Variants in PHACTR2 observed in about 807,000 individuals in gnomAD.
PHACTR2 encodes phosphatase and actin regulator 2.
PHACTR2 carries 30 observed loss-of-function variants against 76.0 expected under a neutral mutation model. The ratio of observed to expected loss-of-function variants is 0.39; its 90% CI spans 0.30 to 0.54. The LOEUF is 0.54. Ranked by LOEUF, PHACTR2 falls within the 20% of genes least tolerant of loss-of-function variation. The pLI, the probability that PHACTR2 is intolerant of heterozygous loss-of-function variation, is 0.61. For synonymous variants in PHACTR2, 292 were observed against 292.5 expected, an observed-to-expected ratio of 1.00 and a Z score of 0.02; for missense variants, 696 against 781.1, an observed-to-expected ratio of 0.89 and a Z score of 1.30.
At position 143,672,400 on chromosome 6, in the gene PHACTR2, A is replaced by T. The variant is rs1777169067; in HGVS notation, c.14-39616A>T. 6.6e-6 allele frequency among the ~76,000 whole-genome samples: 1 copy of T among 152,070 alleles called. No homozygotes were observed. Among genetic ancestry groups the T allele is most frequent in the African/African-American group, 2.4e-5 (1 of 41,418 alleles). The stretch of plus-strand genomic sequence containing the variant: ...TGCTTGAGCCCAGGAGTTCAAGGCT[A>T]CAGTAAGCAATGATTATACCACTGC... On this transcript the variant is annotated intron_variant, in intron 1 of 11. Transcript: ENST00000305766. The surrounding 1 kb of genome is among the most constrained non-coding windows in gnomAD (Gnocchi z 5.8).
chr6:143,770,284 G>A (rs894859708), intron 6 of PHACTR2, among the ~76,000 whole-genome samples: 1 of 152,198 alleles, frequency 6.6e-6, no homozygotes, highest in East Asian at 1.9e-4. Context: ...TTCTCTTAGA[G>A]AAGGTGCTTA....
At position 143,579,648 on chromosome 6, in the gene PHACTR2, G is replaced by A. The variant is rs572064248; in HGVS notation, c.217+42441G>A. Among the ~76,000 whole-genome samples, 8 of 152,190 alleles carry A rather than the reference G, an allele frequency of 5.3e-5. No homozygotes were observed. The South Asian group carries it at 8.3e-4, about 16-fold the overall frequency. On this transcript the variant is annotated intron_variant, in intron 1 of 11. Coordinates refer to the PHACTR2 transcript ENST00000367584. Reference sequence around the variant, plus strand: ...CTCAGTGAGACCTGGGAAGGTGAGCGGAAGGGGCCTCTTCTGCAGATGGTG... The same window carrying A: ...CTCAGTGAGACCTGGGAAGGTGAGCAGAAGGGGCCTCTTCTGCAGATGGTG...
At chr6:143,563,546 C>T (rs112115957) in intron 1 of PHACTR2, among the ~76,000 whole-genome samples, 41,979 of 93,960 alleles carry the variant, frequency 0.45, 7,543 homozygotes, top group Non-Finnish European at 0.52. Context: ...ACACAAACTC[C>T]GTCTCAAAAA....
rs1011368074 is a variant in PHACTR2 at position 143,537,306 on chromosome 6, G to A, written c.217+99G>A. ...CCGGGGCGCCCGCGGGCACTGGCCC[G>A]GCAGGCTGGCGGCGGGGTGGGGGTG... On this transcript the variant is annotated intron_variant, in intron 1 of 11. Coordinates refer to the PHACTR2 transcript ENST00000367584. This position sits in a 1 kb window ranked among gnomAD's most constrained non-coding sequence, Gnocchi z 4.4. 2.9e-4 allele frequency: 48 copies of A among 164,442 alleles called. No individual in the cohort carries two copies. Among genetic ancestry groups the A allele is most frequent in the African/African-American group, 1.1e-3 (44 of 41,516 alleles). 10.2% of individuals were successfully genotyped at this position (164,442 alleles called of 1,614,324 possible). A position where few individuals can be genotyped will look rare whatever the true frequency, so the allele number is the denominator to read the frequency against.
chr6:143,598,835 A>G lies in PHACTR2; in HGVS notation c.217+61628A>G, dbSNP rs554746892. Among the ~76,000 whole-genome samples, 1 of 152,290 alleles carries G rather than the reference A, an allele frequency of 6.6e-6. No homozygotes were observed. Among genetic ancestry groups the G allele is most frequent in the Admixed American group, 6.5e-5 (1 of 15,304 alleles). On this transcript the variant is annotated intron_variant, in intron 1 of 11. Transcript: ENST00000367584. This position sits in a 1 kb window ranked among gnomAD's most constrained non-coding sequence, Gnocchi z 4.1. ...AGACCTCATGTCTCAAAGACTAGCT[A>G]AGTGTTTGCTGTGGTCCTAACAAGT...
Position 143,678,000 on chromosome 6 carries a change from C to A in PHACTR2, c.-164C>A, listed in dbSNP as rs1011045990. The A allele has an allele frequency of 4.5e-5, 66 of 1,451,634 alleles. No individual in the cohort carries two copies. The highest frequency in any genetic ancestry group is 7.9e-5 in the Admixed American group (3 of 37,926). The allele number at this position is 1,451,634 out of a possible 1,614,324, so 89.9% of individuals were successfully genotyped here. On this transcript the variant is annotated 5_prime_UTR_variant, in exon 1 of 13. Transcript: ENST00000440869. ...CAGGATCCGCCGCGCCGGCTGCGGCCGGCCGGGCTGGGAGACCCGCGCGGG... is the reference window on the plus strand; with the variant it reads ...CAGGATCCGCCGCGCCGGCTGCGGCAGGCCGGGCTGGGAGACCCGCGCGGG...
At position 143,547,288 on chromosome 6, in the gene PHACTR2, G is replaced by A. The variant is rs147757871; in HGVS notation, c.217+10081G>A. 1.3e-3 allele frequency among the ~76,000 whole-genome samples: 196 copies of A among 152,324 alleles called. 1 individual carries two copies. The highest frequency in any genetic ancestry group is 1.6e-3 in the Non-Finnish European group (107 of 68,032). Reference sequence around the variant, plus strand: ...ATGTCTACATTTGAGTGACATAGATGTACTGTCACTGAGGAAGATTTGAAA... The same window carrying A: ...ATGTCTACATTTGAGTGACATAGATATACTGTCACTGAGGAAGATTTGAAA... On this transcript the variant is annotated intron_variant, in intron 1 of 11. Transcript: ENST00000367584. The surrounding 1 kb of genome is among the most constrained non-coding windows in gnomAD (Gnocchi z 4.2).
chr6:143,551,391 T>G (rs569630532), intron 1 of PHACTR2, among the ~76,000 whole-genome samples: 97 of 152,366 alleles, frequency 6.4e-4, no homozygotes, highest in Non-Finnish European at 1.1e-3. Context: ...TCAAAATACC[T>G]TACTTCACTG....
At chr6:143,725,127 G>GT in intron 2 of PHACTR2, among the ~76,000 whole-genome samples, 1 of 148,310 alleles carries the variant, frequency 6.7e-6, no homozygotes, top group East Asian at 2.1e-4. Flanking sequence ...TATACGTATA[G>GT]TTTTGCATAA....
rs1034429996 is a variant in PHACTR2, at chr6:143,830,981, A to G, written c.*7292A>G. The G allele has an allele frequency of 1.3e-5, 2 of 152,238 alleles. No individual in the cohort carries two copies. Among genetic ancestry groups the G allele is most frequent in the African/African-American group, 4.8e-5 (2 of 41,466 alleles). 9.4% of individuals were successfully genotyped at this position (152,238 alleles called of 1,614,324 possible). A position where few individuals can be genotyped will look rare whatever the true frequency, so the allele number is the denominator to read the frequency against. On this transcript the variant is annotated 3_prime_UTR_variant, in exon 13 of 13. Transcript: ENST00000440869. ...CTCTTTGTATGTAAGGTCTTGAGAC[A>G]TGTAAGGCCTGGTACTTTTTATTTA...
intron 1 of PHACTR2, among the ~76,000 whole-genome samples, chr6:143,649,741 C>A (rs1776723713): frequency 6.6e-6 from 1 of 152,154 alleles, no homozygotes. Context: ...CAATATCATA[C>A]TGAATGGGAA....
At position 143,803,650 on chromosome 6, in the gene PHACTR2, G is replaced by A. The variant is rs1044943197; in HGVS notation, c.1846-3407G>A. On this transcript the variant is annotated intron_variant, in intron 11 of 12. Transcript: ENST00000440869. The surrounding 1 kb of genome is among the most constrained non-coding windows in gnomAD (Gnocchi z 4.7). Reference sequence around the variant, plus strand: ...TTTGGAAAAATCAGATTCATCGAACGATTTTTTGGCCAACAACTGTTTGAG... The same window carrying A: ...TTTGGAAAAATCAGATTCATCGAACAATTTTTTGGCCAACAACTGTTTGAG... 2.0e-5 allele frequency among the ~76,000 whole-genome samples: 3 copies of A among 152,236 alleles called. No homozygotes were observed. The highest frequency in any genetic ancestry group is 6.5e-5 in the Admixed American group (1 of 15,290).
In PHACTR2 at chr6:143,539,723, C is replaced by T. The variant is rs925196330; in HGVS notation, c.217+2516C>T. On this transcript the variant is annotated intron_variant, in intron 1 of 11. Coordinates refer to the PHACTR2 transcript ENST00000367584. This position sits in a 1 kb window ranked among gnomAD's most constrained non-coding sequence, Gnocchi z 4.3. The stretch of plus-strand genomic sequence containing the variant: ...AGCCCCGGACCAGCATCTGTGGCCT[C>T]ATCTCAGAATCTCAGGCCCCACCCT... Among the ~76,000 whole-genome samples the T allele has an allele frequency of 5.3e-5, 8 of 152,184 alleles. No individual in the cohort carries two copies. In the East Asian group the frequency reaches 9.6e-4, roughly 18 times the overall value.
At chr6:143,759,554 T>G (rs1306142441) in intron 4 of PHACTR2, among the ~76,000 whole-genome samples, 2 of 151,382 alleles carry the variant, frequency 1.3e-5, no homozygotes, top group East Asian at 3.9e-4. Context: ...CACAGGAGGC[T>G]GAGGTTAGAG....
chr6:143,791,322 T>G lies in PHACTR2; in HGVS notation c.1845+2412T>G, dbSNP rs1252262892. Among the ~76,000 whole-genome samples, 1 of 152,188 alleles carries G rather than the reference T, an allele frequency of 6.6e-6. No homozygotes were observed. The highest frequency in any genetic ancestry group is 2.4e-5 in the African/African-American group (1 of 41,430). ...TAAGATAGACTCTCCAGATCATTAA[T>G]TTTCATCCTTCCTTACTTTCTGATA... is the stretch of plus-strand genomic sequence containing the variant. On this transcript the variant is annotated intron_variant, in intron 11 of 12. Coordinates refer to ENST00000440869, the MANE Select transcript of PHACTR2 (RefSeq NM_001100164.2). This position sits in a 1 kb window ranked among gnomAD's most constrained non-coding sequence, Gnocchi z 4.7.
Position 143,757,323 on chromosome 6 carries a change from C to T in PHACTR2, c.455-3078C>T, listed in dbSNP as rs1285147760. ...AATTGTAGTGCAAGATGCGAAGTACCGTAGAAGGCCTGAGCACAGCAACCC... is the reference window on the plus strand; with the variant it reads ...AATTGTAGTGCAAGATGCGAAGTACTGTAGAAGGCCTGAGCACAGCAACCC... On this transcript the variant is annotated intron_variant, in intron 4 of 12. Coordinates refer to ENST00000440869, the MANE Select transcript of PHACTR2 (RefSeq NM_001100164.2). The surrounding 1 kb of genome is among the most constrained non-coding windows in gnomAD (Gnocchi z 4.2). Among the ~76,000 whole-genome samples, 1 of 152,104 alleles carries T rather than the reference C, an allele frequency of 6.6e-6. No homozygotes were observed. Among genetic ancestry groups the T allele is most frequent in the African/African-American group, 2.4e-5 (1 of 41,410 alleles).
chr6:143,751,458 C>T lies in PHACTR2; in HGVS notation c.296-2296C>T, dbSNP rs1779179766. Reference sequence around the variant, plus strand: ...TTGTGGAGGTGGTTTTGCCTGTGTGCCATCCTTTCCTTTTCTCCCACTGTG... The same window carrying T: ...TTGTGGAGGTGGTTTTGCCTGTGTGTCATCCTTTCCTTTTCTCCCACTGTG... On this transcript the variant is annotated intron_variant, in intron 3 of 12. Coordinates refer to ENST00000440869, the MANE Select transcript of PHACTR2 (RefSeq NM_001100164.2). The surrounding 1 kb of genome is among the most constrained non-coding windows in gnomAD (Gnocchi z 5.7). 6.6e-6 allele frequency among the ~76,000 whole-genome samples: 1 copy of T among 152,012 alleles called. No homozygotes were observed. The highest frequency in any genetic ancestry group is 2.4e-5 in the African/African-American group (1 of 41,368).
At position 143,748,969 on chromosome 6, in the gene PHACTR2, T is replaced by C; in HGVS notation, c.215-16T>C. 7.5e-7 allele frequency: 1 copy of C among 1,336,686 alleles called. No homozygotes were observed. Among genetic ancestry groups the C allele is most frequent in the Non-Finnish European group, 1.1e-6 (1 of 934,498 alleles). 82.8% of individuals were successfully genotyped at this position (1,336,686 alleles called of 1,614,324 possible). On this transcript the variant is annotated splice_polypyrimidine_tract_variant and intron_variant, in intron 2 of 12. Transcript: ENST00000440869. ...GGAATGACTTGATTCTTACTTGTGC[T>C]TGTTCTTTTTAAAAGTATTAGAAAG...
At chr6:143,758,384 A>G (rs1444242902) in intron 4 of PHACTR2, among the ~76,000 whole-genome samples, 1 of 152,210 alleles carries the variant, frequency 6.6e-6, no homozygotes, top group Non-Finnish European at 1.5e-5. Flanking sequence ...TCATGGTATT[A>G]TACTGGGGGC....
Sources: gnomAD v4.1 joint callset for allele counts (sites outside exome capture counted in the v4.1 genomes callset) on GRCh38, gnomAD v4.1.1 for gene constraint, Gnocchi (gnomAD v3.1) non-coding constraint, MANE v1.5 for transcripts, NCBI Gene and HGNC (gene_info 2026-07-23, HGNC 2026-07-21) for gene names.